LGR4: variants seen among roughly 807,000 people sequenced by gnomAD.
The protein encoded by LGR4 is leucine rich repeat containing G protein-coupled receptor 4.
Under a neutral mutation model 84.8 loss-of-function variants are expected in LGR4, and 44 were observed. That is an observed-to-expected ratio of 0.52 (90% CI 0.41 to 0.67). The LOEUF is 0.67. Among genes scored for constraint, LGR4 ranks in the 30% least tolerant of loss-of-function variants. The pLI is 0.00. For missense variants in LGR4, 1,032 were observed against 1,131.4 expected (o/e 0.91, Z 1.26); for synonymous variants, 429 against 434.3 (o/e 0.99, Z 0.15).
chr11:27,458,544 A>T (rs1326568258), intron 1 of LGR4, among the ~76,000 whole-genome samples: 2 of 147,224 alleles, frequency 1.4e-5, no homozygotes, highest in Non-Finnish European at 3.0e-5. Context: ...TTTTTTAAGT[A>T]TTTTTTTTTT....
intron 14 of LGR4, 45 bp from the exon 15 acceptor site, chr11:27,373,721 C>T: frequency 6.8e-7 from 1 of 1,472,204 alleles, no homozygotes; most frequent in Non-Finnish European, 9.2e-7. Flanking sequence ...ATATATAAAT[C>T]ACATAAAAAC....
chr11:27,437,660 AGTGT>A lies in LGR4; in HGVS notation c.186-24804_186-24801del, dbSNP rs10659033. On this transcript the variant is annotated intron_variant, in intron 1 of 17. Transcript: ENST00000379214. The stretch of plus-strand genomic sequence containing the variant: ...TTACTTGAATCTCTTTTAAAGGACT[AGTGT>A]GTGTGTGTGTGTGTGTGTGTGTGTG... Among the ~76,000 whole-genome samples, 708 of 140,130 alleles carry A rather than the reference AGTGT, an allele frequency of 5.1e-3. 9 individuals carry two copies. The highest frequency in any genetic ancestry group is 0.016 in the African/African-American group (617 of 37,758). The allele number at this position is 140,130 out of a possible 152,430, so 91.9% of individuals were successfully genotyped here.
intron 2 of LGR4, among the ~76,000 whole-genome samples, chr11:27,411,477 T>C (rs79821944): frequency 2.0e-5 from 3 of 152,236 alleles, no homozygotes; most frequent in South Asian, 4.1e-4. Context: ...CTGCTTTTTT[T>C]CTTATGCACT....
intron 1 of LGR4, among the ~76,000 whole-genome samples, chr11:27,458,558 G>A (rs1864617465): frequency 6.7e-6 from 1 of 150,214 alleles, no homozygotes; most frequent in Non-Finnish European, 1.5e-5. Context: ...TTTTTTTTGA[G>A]ATGGAATTTC....
At chr11:27,468,181 A>G (rs544250729) in intron 1 of LGR4, among the ~76,000 whole-genome samples, 2 of 152,340 alleles carry the variant, frequency 1.3e-5, no homozygotes, top group East Asian at 1.9e-4. Flanking sequence ...AAAACACTTT[A>G]AAGTCCTTCA....
At chr11:27,447,469 T>G (rs1001629443) in intron 1 of LGR4, among the ~76,000 whole-genome samples, 1 of 152,130 alleles carries the variant, frequency 6.6e-6, no homozygotes, top group Non-Finnish European at 1.5e-5. Context: ...AGTTACCCTA[T>G]ATGGTCTGAA....
At chr11:27,428,293 C>G (rs570361844) in intron 1 of LGR4, among the ~76,000 whole-genome samples, 1 of 152,194 alleles carries the variant, frequency 6.6e-6, no homozygotes, top group Non-Finnish European at 1.5e-5. Context: ...TCCACCACCA[C>G]GTCTGGCTAA....
At chr11:27,431,766 A>T (rs1351474482) in intron 1 of LGR4, among the ~76,000 whole-genome samples, 1 of 152,148 alleles carries the variant, frequency 6.6e-6, no homozygotes, top group Non-Finnish European at 1.5e-5. Context: ...CATCCATATA[A>T]TATTATTTCA....
intron 2 of LGR4, among the ~76,000 whole-genome samples, chr11:27,396,678 G>T (rs12803615): frequency 0.35 from 52,905 of 151,946 alleles, 9,544 homozygotes; most frequent in Non-Finnish European, 0.38. Flanking sequence ...AACAGTTTTC[G>T]TAGCTTCTCA....
At chr11:27,415,308 T>C (rs934771048) in intron 1 of LGR4, among the ~76,000 whole-genome samples, 1 of 152,098 alleles carries the variant, frequency 6.6e-6, no homozygotes, top group Non-Finnish European at 1.5e-5. Flanking sequence ...TTCAGGTGAG[T>C]TATCACTGTA....
chr11:27,367,963 A>G lies in LGR4; in HGVS notation c.2760T>C (p.Ser920=). The change falls in exon 18 of 18, where the codon TCT becomes TCC. Residue 920 remains serine, a synonymous_variant. Coordinates refer to ENST00000379214, the MANE Select transcript of LGR4 (RefSeq NM_018490.5). The part of the protein sequence containing the change: ...DEEDSFVSDS[S]DQVQACGRAC... ...CTCGTCCACAGGCCTGCACCTGGTCAGAACTGTCTGAGACAAAGGAATCTT... is the reference window on the plus strand; with the variant it reads ...CTCGTCCACAGGCCTGCACCTGGTCGGAACTGTCTGAGACAAAGGAATCTT... The G allele has an allele frequency of 6.2e-7, 1 of 1,614,168 alleles. No homozygotes were observed. Among genetic ancestry groups the G allele is most frequent in the Non-Finnish European group, 8.5e-7 (1 of 1,179,976 alleles).
chr11:27,385,601 T>C, intron 4 of LGR4, 133 bp from the exon 5 acceptor site: 2 of 587,002 alleles, frequency 3.4e-6, no homozygotes, highest in East Asian at 5.7e-5. Context: ...CTAGAAGTCC[T>C]CATAACATCT....
intron 1 of LGR4, among the ~76,000 whole-genome samples, chr11:27,459,473 G>A (rs1864639796): frequency 6.6e-6 from 1 of 151,718 alleles, no homozygotes; most frequent in African/African-American, 2.4e-5. Flanking sequence ...GGTGTGAAGG[G>A]CAAATTCTTT....
chr11:27,368,325 G>C lies in LGR4; in HGVS notation c.2398C>G (p.Leu800Val). ...FPLPACLNPV[L>V]YVFFNPKFKE... The stretch of plus-strand genomic sequence containing the variant: ...AACTTTGGGTTGAAGAAAACATACA[G>C]GACTGGATTCAGGCAAGCAGGCAAT... The change falls in exon 18 of 18, where the codon CTG (leucine) becomes GTG (valine). Residue 800 changes from leucine (L) to valine (V), a missense_variant. Leu to Val is a conservative substitution (Grantham distance 32). Transcript: ENST00000379214. 3.1e-6 allele frequency: 5 copies of C among 1,614,134 alleles called. No individual in the cohort carries two copies. The South Asian group carries it at 5.5e-5, about 18-fold the overall frequency.
intron 1 of LGR4, among the ~76,000 whole-genome samples, chr11:27,455,739 G>A (rs1157753630): frequency 6.6e-6 from 1 of 152,114 alleles, no homozygotes; most frequent in African/African-American, 2.4e-5. Flanking sequence ...CCTACATTTA[G>A]GAAGAGCACT....
Position 27,374,036 on chromosome 11 carries a change from T to C in LGR4, c.1192A>G (p.Arg398Gly). Residue 398 changes from arginine (R) to glycine (G), a missense_variant, in exon 14 of 18, where the codon AGA becomes GGA. Arg to Gly is a moderately radical substitution (Grantham distance 125). Coordinates refer to ENST00000379214, the MANE Select transcript of LGR4 (RefSeq NM_018490.5). ...LISLRILDLS[R>G]NLIHEIHSRA... Reference sequence around the variant, plus strand: ...CTGTGAATTTCATGTATCAGGTTTCTACTCAGATCTCTGCAATTATAAGAG... The same window carrying C: ...CTGTGAATTTCATGTATCAGGTTTCCACTCAGATCTCTGCAATTATAAGAG... The C allele has an allele frequency of 6.2e-7, 1 of 1,609,036 alleles. No individual in the cohort carries two copies. The highest frequency in any genetic ancestry group is 2.2e-5 in the East Asian group (1 of 44,780).
chr11:27,456,768 A>C (rs1864583160), intron 1 of LGR4, among the ~76,000 whole-genome samples: 1 of 152,214 alleles, frequency 6.6e-6, no homozygotes, highest in Non-Finnish European at 1.5e-5. Context: ...AAGCAAAAAG[A>C]CCAAGTTAGA....
At chr11:27,458,427 A>G (rs1264054750) in intron 1 of LGR4, among the ~76,000 whole-genome samples, 1 of 152,228 alleles carries the variant, frequency 6.6e-6, no homozygotes, top group Non-Finnish European at 1.5e-5. Context: ...ACATGACTGT[A>G]TACATTGTGA....
At chr11:27,462,896 AC>A (rs1864707384) in intron 1 of LGR4, among the ~76,000 whole-genome samples, 3 of 151,992 alleles carry the variant, frequency 2.0e-5, no homozygotes, top group African/African-American at 4.8e-5. Context: ...AAGGAAAAAA[AC>A]AAACCATTTT....
Sources: allele counts gnomAD v4.1 joint callset (sites outside exome capture counted in the v4.1 genomes callset), GRCh38; gene constraint gnomAD v4.1.1; transcripts MANE v1.5; gene names NCBI Gene and HGNC (gene_info 2026-07-23, HGNC 2026-07-21).